The following NCAN variants were observed in gnomAD, a reference collection of about 807,000 sequenced individuals.
NCAN encodes neurocan, also known as neurocan core protein.
A neutral mutation model predicts 121.8 loss-of-function variants in NCAN; 47 were observed. The ratio of observed to expected loss-of-function variants is 0.39; its 90% CI spans 0.31 to 0.49. NCAN has a LOEUF of 0.49. Ranked by LOEUF, NCAN falls within the 20% of genes least tolerant of loss-of-function variation. The pLI, the probability that NCAN is intolerant of heterozygous loss-of-function variation, is 0.92. For missense variants in NCAN, 1,517 were observed against 1,773.4 expected, an observed-to-expected ratio of 0.86 and a Z score of 2.60; for synonymous variants, 633 against 702.0, an observed-to-expected ratio of 0.90 and a Z score of 1.55.
chr19:19,230,883 CTGTGTGTGTGTGTGTGTG>C (rs367759381), intron 8 of NCAN, among the ~76,000 whole-genome samples: 4 of 121,838 alleles, frequency 3.3e-5, no homozygotes, highest in Admixed American at 8.6e-5. Flanking sequence ...CCACACCCGG[CTGTGTGTGTGTGTGTGTG>C]TGTGTGTGTG....
At chr19:19,242,447 T>C (rs530318233) in intron 12 of NCAN, among the ~76,000 whole-genome samples, 38 of 150,558 alleles carry the variant, frequency 2.5e-4, no homozygotes, top group Non-Finnish European at 4.6e-4. Context: ...CCCAGCACTT[T>C]GGGAGGTCGA....
At position 19,250,493 on chromosome 19, in the gene NCAN, G is replaced by A. The variant is rs2060942770; in HGVS notation, c.*582G>A. On this transcript the variant is annotated 3_prime_UTR_variant, in exon 15 of 15. Transcript: ENST00000252575. ...TAAACACACAGTGTGGAGATCCCAC[G>A]TACTGCATTTTAGGGATGTTTTTAG... 2 of 273,938 alleles carry A rather than the reference G, an allele frequency of 7.3e-6. No individual in the cohort carries two copies. Among genetic ancestry groups the A allele is most frequent in the East Asian group, 1.9e-4 (2 of 10,548 alleles). 17.0% of individuals were successfully genotyped at this position (273,938 alleles called of 1,614,324 possible).
Position 19,250,038 on chromosome 19 carries a change from A to C in NCAN, c.*127A>C. 1 of 954,936 alleles carries C rather than the reference A, an allele frequency of 1.0e-6. No homozygotes were observed. Among genetic ancestry groups the C allele is most frequent in the Non-Finnish European group, 1.6e-6 (1 of 606,912 alleles). 59.2% of individuals were successfully genotyped at this position (954,936 alleles called of 1,614,324 possible). On this transcript the variant is annotated 3_prime_UTR_variant, in exon 15 of 15. Transcript: ENST00000252575. ...CTGAACCCCAAACCACATCCCCCACACACATAATCCTTTGTACAAAGCTCC... is the reference window on the plus strand; with the variant it reads ...CTGAACCCCAAACCACATCCCCCACCCACATAATCCTTTGTACAAAGCTCC...
At position 19,231,972 on chromosome 19, in the gene NCAN, T is replaced by TC. The variant is rs567106365; in HGVS notation, c.3020-1815dup. ...TCCAGCCTGGGGGACAGAGCAAGAC[T>TC]CCATCTCAAAAAAAAAAATTAATCT... is the stretch of plus-strand genomic sequence containing the variant. On this transcript the variant is annotated intron_variant, in intron 8 of 14. Transcript: ENST00000252575. Among the ~76,000 whole-genome samples, 325 of 147,722 alleles carry TC rather than the reference T, an allele frequency of 2.2e-3. 1 individual carries two copies. Among genetic ancestry groups the TC allele is most frequent in the Middle Eastern group, 0.01 (3 of 294 alleles).
intron 2 of NCAN, among the ~76,000 whole-genome samples, chr19:19,217,853 G>A (rs2060801357): frequency 6.6e-6 from 1 of 152,176 alleles, no homozygotes; most frequent in Non-Finnish European, 1.5e-5. Context: ...CAGGTGTGGT[G>A]GCACATGCCT....
At chr19:19,219,444 C>T (rs1007518227) in intron 3 of NCAN, 128 bp downstream of exon 3, 2 of 1,068,022 alleles carry the variant, frequency 1.9e-6, no homozygotes, top group African/African-American at 1.6e-5. Context: ...CCTGTAATCC[C>T]AGCACTTTGG....
At chr19:19,229,163 G>C (rs956549611) in intron 8 of NCAN, among the ~76,000 whole-genome samples, 1 of 152,196 alleles carries the variant, frequency 6.6e-6, no homozygotes, top group South Asian at 2.1e-4. Flanking sequence ...AGCTGAGATT[G>C]TACCACTGCA....
In NCAN at chr19:19,250,079, T is replaced by A. The variant is rs1025591719; in HGVS notation, c.*168T>A. 1 of 802,740 alleles carries A rather than the reference T, an allele frequency of 1.2e-6. No individual in the cohort carries two copies. Among genetic ancestry groups the A allele is most frequent in the Non-Finnish European group, 2.1e-6 (1 of 475,286 alleles). 49.7% of individuals were successfully genotyped at this position (802,740 alleles called of 1,614,324 possible). Reference sequence around the variant, plus strand: ...ACAAAGCTCCTCTTTTCCCTTTTTTTACATACACAAGATCCTCTTGGCAGG... The same window carrying A: ...ACAAAGCTCCTCTTTTCCCTTTTTTAACATACACAAGATCCTCTTGGCAGG... On this transcript the variant is annotated 3_prime_UTR_variant, in exon 15 of 15. Coordinates refer to ENST00000252575, the MANE Select transcript of NCAN (RefSeq NM_004386.3).
rs1468977494 is a variant in NCAN, at chr19:19,224,298, G to T, written c.651-8G>T. ...CATCTGAGAGGGACCCTCCCCTTGT[G>T]TTGTCAGGTATCCTATCACCCAGTC... On this transcript the variant is annotated splice_polypyrimidine_tract_variant and splice_region_variant and intron_variant, in intron 4 of 14. Transcript: ENST00000252575. 2.6e-5 allele frequency: 42 copies of T among 1,612,048 alleles called. No individual in the cohort carries two copies. Among genetic ancestry groups the T allele is most frequent in the Non-Finnish European group, 3.5e-5 (41 of 1,178,504 alleles).
chr19:19,228,672 C>A, intron 8 of NCAN, 33 bp downstream of exon 8: 1 of 1,570,428 alleles, frequency 6.4e-7, no homozygotes, highest in Non-Finnish European at 8.7e-7. Context: ...CTGTCCAGCT[C>A]TCCATGGTCA....
intron 1 of NCAN, among the ~76,000 whole-genome samples, chr19:19,213,634 A>C (rs7250569): frequency 1.3e-5 from 2 of 151,638 alleles, no homozygotes; most frequent in East Asian, 3.9e-4. Context: ...GTGTTTCCCC[A>C]GGGTCTGTGT....
chr19:19,220,243 G>A (rs1359148548), intron 3 of NCAN, among the ~76,000 whole-genome samples: 1 of 151,700 alleles, frequency 6.6e-6, no homozygotes, highest in African/African-American at 2.4e-5. Flanking sequence ...CGTCTAGGCA[G>A]GATTTTACTT....
chr19:19,222,883 C>T lies in NCAN; in HGVS notation c.476-1138C>T, dbSNP rs539787329. 4.0e-5 allele frequency among the ~76,000 whole-genome samples: 6 copies of T among 151,858 alleles called. No homozygotes were observed. The South Asian group carries it at 8.3e-4, about 21-fold the overall frequency. On this transcript the variant is annotated intron_variant, in intron 3 of 14. Coordinates refer to ENST00000252575, the MANE Select transcript of NCAN (RefSeq NM_004386.3). ...CAGCACTTTGGGAGGCTGAGGTGGGCGGATCACGAGGTCAGGAGATCAAGA... is the reference window on the plus strand; with the variant it reads ...CAGCACTTTGGGAGGCTGAGGTGGGTGGATCACGAGGTCAGGAGATCAAGA...
At chr19:19,239,639 C>A in intron 11 of NCAN, among the ~76,000 whole-genome samples, 1 of 107,376 alleles carries the variant, frequency 9.3e-6, no homozygotes, top group African/African-American at 3.9e-5. Flanking sequence ...CTTCCCTCCC[C>A]CTCCTCCTTC....
intron 12 of NCAN, among the ~76,000 whole-genome samples, chr19:19,241,168 A>C (rs1198479945): frequency 5.9e-5 from 9 of 152,208 alleles, no homozygotes; most frequent in Non-Finnish European, 2.9e-5. Flanking sequence ...AGGCGTGAGA[A>C]TCGCTTGAAC....
chr19:19,213,684 G>T (rs1178925280), intron 1 of NCAN, among the ~76,000 whole-genome samples: 1 of 152,080 alleles, frequency 6.6e-6, no homozygotes, highest in Non-Finnish European at 1.5e-5. Flanking sequence ...TGTGTATCTG[G>T]AGGGGCCAAG....
At chr19:19,219,505 G>C (rs551733689) in intron 3 of NCAN, among the ~76,000 whole-genome samples, 189 bp downstream of exon 3, 15 of 152,020 alleles carry the variant, frequency 9.9e-5, no homozygotes, top group Non-Finnish European at 1.9e-4. Context: ...GACCAGCCTG[G>C]GTAACATGGT....
At chr19:19,240,868 G>A (rs963297205) in intron 12 of NCAN, among the ~76,000 whole-genome samples, 183 bp downstream of exon 12, 21 of 152,182 alleles carry the variant, frequency 1.4e-4, no homozygotes, top group African/African-American at 4.3e-4. Flanking sequence ...GACTTCCCCA[G>A]CCCAAGTAAA....
chr19:19,250,045 A>C lies in NCAN; in HGVS notation c.*134A>C. On this transcript the variant is annotated 3_prime_UTR_variant, in exon 15 of 15. Transcript: ENST00000252575. The stretch of plus-strand genomic sequence containing the variant: ...CCAAACCACATCCCCCACACACATA[A>C]TCCTTTGTACAAAGCTCCTCTTTTC... 3 of 926,208 alleles carry C rather than the reference A, an allele frequency of 3.2e-6. No individual in the cohort carries two copies. The highest frequency in any genetic ancestry group is 3.4e-6 in the Non-Finnish European group (2 of 581,994). 57.4% of individuals were successfully genotyped at this position (926,208 alleles called of 1,614,324 possible).
Sources: gnomAD v4.1 joint callset for allele counts (sites outside exome capture counted in the v4.1 genomes callset) on GRCh38, gnomAD v4.1.1 for gene constraint, MANE v1.5 for transcripts, NCBI Gene and HGNC (gene_info 2026-07-23, HGNC 2026-07-21) for gene names.